SMYD3: variants seen among roughly 807,000 people sequenced by gnomAD.
The protein encoded by SMYD3 is SET and MYND domain containing 3.
Under a neutral mutation model 57.7 loss-of-function variants are expected in SMYD3, and 36 were observed. The observed-to-expected ratio is 0.62, with a 90% CI of 0.48 to 0.82. The LOEUF (loss-of-function observed/expected upper bound fraction) is 0.82. SMYD3 is among the 40% of genes least tolerant of loss of function. The probability of loss-of-function intolerance (pLI) is 0.00; values close to 1 mark genes in which losing one functional copy is unlikely to be tolerated. For synonymous variants in SMYD3, 211 were observed against 195.0 expected, an observed-to-expected ratio of 1.08 and a Z score of -0.68; for missense variants, 515 against 538.8, an observed-to-expected ratio of 0.96 and a Z score of 0.44.
At chr1:245,899,174 G>T (rs2054021759) in intron 8 of SMYD3, among the ~76,000 whole-genome samples, 1 of 152,042 alleles carries the variant, frequency 6.6e-6, no homozygotes, top group Admixed American at 6.6e-5. Flanking sequence ...TTAAATCCAG[G>T]AACTGAAAAT....
At chr1:246,487,001 A>C (rs1036121316) in intron 1 of SMYD3, among the ~76,000 whole-genome samples, 4 of 152,182 alleles carry the variant, frequency 2.6e-5, no homozygotes, top group Non-Finnish European at 5.9e-5. Flanking sequence ...ACCCACCTAT[A>C]CTAATAGAAA....
At chr1:246,391,336 C>T (rs1461685561) in intron 1 of SMYD3, among the ~76,000 whole-genome samples, 5 of 150,426 alleles carry the variant, frequency 3.3e-5, no homozygotes, top group African/African-American at 1.2e-4. Flanking sequence ...GCTTTGATTC[C>T]ACCACTGCAC....
At chr1:246,013,665 C>A (rs2059326510) in intron 5 of SMYD3, among the ~76,000 whole-genome samples, 1 of 152,046 alleles carries the variant, frequency 6.6e-6, no homozygotes, top group Non-Finnish European at 1.5e-5. Context: ...AAATCACCAG[C>A]CTAAAGGGAC....
chr1:246,250,759 G>A (rs1395694305), intron 5 of SMYD3, among the ~76,000 whole-genome samples: 3 of 152,062 alleles, frequency 2.0e-5, no homozygotes, highest in Non-Finnish European at 4.4e-5. Flanking sequence ...CTACTCTCCC[G>A]AATCAACTTT....
At chr1:246,300,074 C>A (rs962791610) in intron 5 of SMYD3, among the ~76,000 whole-genome samples, 1 of 146,316 alleles carries the variant, frequency 6.8e-6, no homozygotes, top group Non-Finnish European at 1.5e-5. Context: ...GAATAGTATA[C>A]AACCATTAAA....
At chr1:245,869,780 C>T (rs975480837) in intron 8 of SMYD3, among the ~76,000 whole-genome samples, 2 of 152,214 alleles carry the variant, frequency 1.3e-5, no homozygotes, top group Non-Finnish European at 2.9e-5. Flanking sequence ...AAATCGCCAT[C>T]CTGTGGCTTC....
chr1:246,480,589 A>G (rs2068087077), intron 1 of SMYD3, among the ~76,000 whole-genome samples: 2 of 152,192 alleles, frequency 1.3e-5, no homozygotes, highest in Non-Finnish European at 2.9e-5. Context: ...AGATATAACT[A>G]CATTATCTGA....
intron 5 of SMYD3, among the ~76,000 whole-genome samples, chr1:246,206,338 G>C (rs928934446): frequency 5.3e-5 from 8 of 152,068 alleles, no homozygotes; most frequent in African/African-American, 1.9e-4. Context: ...CTTCTGAAAA[G>C]AATGTAAGAG....
chr1:246,331,525 CTG>C (rs1326495991), intron 3 of SMYD3, among the ~76,000 whole-genome samples: 1 of 152,202 alleles, frequency 6.6e-6, no homozygotes, highest in Non-Finnish European at 1.5e-5. Flanking sequence ...CAAAGAGAGA[CTG>C]TGTATTTCTT....
chr1:245,979,790 C>T (rs1185952681), intron 5 of SMYD3, among the ~76,000 whole-genome samples: 1 of 152,180 alleles, frequency 6.6e-6, no homozygotes, highest in East Asian at 1.9e-4. Flanking sequence ...CCAAACCCAG[C>T]CCCGGCAGCT....
At chr1:246,073,409 G>T (rs1538302) in intron 5 of SMYD3, among the ~76,000 whole-genome samples, 17,120 of 152,052 alleles carry the variant, frequency 0.11, 2,207 homozygotes, top group African/African-American at 0.31. Flanking sequence ...ATTGTGATTT[G>T]GGGATTTTAG....
intron 11 of SMYD3, among the ~76,000 whole-genome samples, chr1:245,753,145 T>G (rs1344679530): frequency 1.3e-5 from 2 of 151,696 alleles, no homozygotes. Flanking sequence ...CAGGAATGTG[T>G]GTGTAGAGTC....
intron 5 of SMYD3, among the ~76,000 whole-genome samples, chr1:246,087,637 C>G (rs1251725786): frequency 6.6e-6 from 1 of 152,200 alleles, no homozygotes; most frequent in East Asian, 1.9e-4. Flanking sequence ...AACACTTTAG[C>G]CTACCAACAT....
At chr1:245,840,304 A>G (rs904194662) in intron 10 of SMYD3, among the ~76,000 whole-genome samples, 1 of 152,210 alleles carries the variant, frequency 6.6e-6, no homozygotes, top group Non-Finnish European at 1.5e-5. Context: ...CAGAAAAGAT[A>G]AAACGGGTGA....
chr1:246,330,596 A>G, intron 3 of SMYD3, 59 bp from the exon 4 acceptor site: 1 of 1,452,444 alleles, frequency 6.9e-7, no homozygotes, highest in South Asian at 1.4e-5. Context: ...TATATAAACA[A>G]ATAAGTTTGA....
Position 246,202,923 on chromosome 1 carries a change from C to T in SMYD3, c.531+124278G>A, listed in dbSNP as rs1051932410. Among the ~76,000 whole-genome samples the T allele has an allele frequency of 3.9e-5, 6 of 151,968 alleles. No individual in the cohort carries two copies. Among genetic ancestry groups the T allele is most frequent in the African/African-American group, 1.2e-4 (5 of 41,378 alleles). On this transcript the variant is annotated intron_variant, in intron 5 of 11. Transcript: ENST00000490107. This position sits in a 1 kb window ranked among gnomAD's most constrained non-coding sequence, Gnocchi z 4.1. Reference sequence around the variant, plus strand: ...AGTGGATCACTTGAGGTCAGGAGTTCGAGACCAGCCTGGCCAATATGGGAA... The same window carrying T: ...AGTGGATCACTTGAGGTCAGGAGTTTGAGACCAGCCTGGCCAATATGGGAA...
chr1:246,272,036 AT>A (rs1223173256), intron 5 of SMYD3, among the ~76,000 whole-genome samples: 2 of 152,054 alleles, frequency 1.3e-5, no homozygotes, highest in Admixed American at 6.5e-5. Flanking sequence ...TAAGTATTTT[AT>A]TCTTTTGGAT....
At chr1:246,067,911 G>A (rs2787971) in intron 5 of SMYD3, among the ~76,000 whole-genome samples, 123,538 of 152,010 alleles carry the variant, frequency 0.81, 50,374 homozygotes, top group Admixed American at 0.86. Context: ...CACACTCTCC[G>A]GCACCGACTG....
At chr1:245,764,652 G>A (rs2791379) in intron 10 of SMYD3, among the ~76,000 whole-genome samples, 2,757 of 151,530 alleles carry the variant, frequency 0.018, 79 homozygotes, top group African/African-American at 0.063. Flanking sequence ...CTCAGCTGTG[G>A]AGTCCATCAT....
Sources: allele counts gnomAD v4.1 joint callset (sites outside exome capture counted in the v4.1 genomes callset), GRCh38; gene constraint gnomAD v4.1.1; non-coding constraint Gnocchi (gnomAD v3.1); transcripts MANE v1.5; gene names NCBI Gene and HGNC (gene_info 2026-07-23, HGNC 2026-07-21).